The following NSMCE1 variants were observed in gnomAD, a reference collection of about 807,000 sequenced individuals.
The protein encoded by NSMCE1 is NSE1 component of SMC5/6 complex.
A neutral mutation model predicts 29.6 loss-of-function variants in NSMCE1; 18 were observed. The ratio of observed to expected loss-of-function variants is 0.61; its 90% CI spans 0.42 to 0.90. NSMCE1 has a LOEUF of 0.90. Among genes scored for constraint, NSMCE1 ranks in the 40% least tolerant of loss-of-function variants. The pLI is 0.00. For missense variants in NSMCE1, 314 were observed against 343.6 expected, an observed-to-expected ratio of 0.91 and a Z score of 0.68; for synonymous variants, 124 against 133.4, an observed-to-expected ratio of 0.93 and a Z score of 0.49.
intron 2 of NSMCE1, among the ~76,000 whole-genome samples, chr16:27,243,929 G>A (rs1037661328): frequency 2.6e-5 from 4 of 152,356 alleles, no homozygotes; most frequent in Admixed American, 2.6e-4. Context: ...GGGACTACAG[G>A]CATGTACCAC....
At chr16:27,248,188 C>T (rs2083978115) in intron 2 of NSMCE1, among the ~76,000 whole-genome samples, 1 of 152,094 alleles carries the variant, frequency 6.6e-6, no homozygotes, top group Non-Finnish European at 1.5e-5. Context: ...GGGCATATAG[C>T]TTCATATCTC....
intron 1 of NSMCE1, among the ~76,000 whole-genome samples, chr16:27,258,809 G>A (rs1281089093): frequency 6.6e-6 from 1 of 151,562 alleles, no homozygotes; most frequent in Non-Finnish European, 1.5e-5. Context: ...GGAGTGCAGT[G>A]GCGTGATCTC....
At chr16:27,226,143 T>A in intron 6 of NSMCE1, 2 of 274,558 alleles carry the variant, frequency 7.3e-6, no homozygotes, top group Non-Finnish European at 1.4e-5. Context: ...AGCCACAGCT[T>A]TTCAGAAGCT....
chr16:27,252,557 A>G (rs893856108), intron 2 of NSMCE1, among the ~76,000 whole-genome samples: 1 of 151,966 alleles, frequency 6.6e-6, no homozygotes, highest in Non-Finnish European at 1.5e-5. Context: ...CTGACGCAGG[A>G]TGATCACTTG....
Position 27,231,929 on chromosome 16 carries a change from G to A in NSMCE1, c.483+1072C>T, listed in dbSNP as rs576770740. Among the ~76,000 whole-genome samples, 23 of 152,206 alleles carry A rather than the reference G, an allele frequency of 1.5e-4. No homozygotes were observed. In the East Asian group the frequency reaches 2.7e-3, roughly 18 times the overall value. ...CCTCCAAGACATGACATACGGGAAC[G>A]CGCCCAGCAGATCCTGCACTCACCA... On this transcript the variant is annotated intron_variant, in intron 5 of 7. Coordinates refer to ENST00000361439, the MANE Select transcript of NSMCE1 (RefSeq NM_145080.4).
rs1296213496 is a variant in NSMCE1 at position 27,232,802 on chromosome 16, G to A, written c.483+199C>T. Among the ~76,000 whole-genome samples, 1 of 152,248 alleles carries A rather than the reference G, an allele frequency of 6.6e-6. No homozygotes were observed. Among genetic ancestry groups the A allele is most frequent in the African/African-American group, 2.4e-5 (1 of 41,466 alleles). On this transcript the variant is annotated intron_variant, in intron 5 of 7. Coordinates refer to ENST00000361439, the MANE Select transcript of NSMCE1 (RefSeq NM_145080.4). The surrounding 1 kb of genome is among the most constrained non-coding windows in gnomAD (Gnocchi z 4.5). Reference sequence around the variant, plus strand: ...TGTGGCATCCTGAACACATCATCTGGGTGAACGGGGAGTGGGAGGCAGGAG... The same window carrying A: ...TGTGGCATCCTGAACACATCATCTGAGTGAACGGGGAGTGGGAGGCAGGAG...
At chr16:27,229,196 G>A (rs1010124457) in intron 5 of NSMCE1, among the ~76,000 whole-genome samples, 1 of 152,222 alleles carries the variant, frequency 6.6e-6, no homozygotes, top group Non-Finnish European at 1.5e-5. Context: ...CCACTGCCGG[G>A]CTGATGATCC....
At chr16:27,267,454 G>A (rs1443796351) in intron 1 of NSMCE1, among the ~76,000 whole-genome samples, 1 of 152,190 alleles carries the variant, frequency 6.6e-6, no homozygotes, top group East Asian at 1.9e-4. Flanking sequence ...ACAAGAGTTG[G>A]TGGCAGAGAT....
chr16:27,236,389 C>T (rs184894547), intron 2 of NSMCE1, among the ~76,000 whole-genome samples: 4 of 149,088 alleles, frequency 2.7e-5, no homozygotes, highest in Non-Finnish European at 4.4e-5. Flanking sequence ...CTCCACCTCC[C>T]GGGTTCAAGC....
chr16:27,234,039 A>G, intron 4 of NSMCE1, 149 bp downstream of exon 4: 1 of 627,592 alleles, frequency 1.6e-6, no homozygotes, highest in South Asian at 1.9e-5. Context: ...AGACAGTGAC[A>G]TCTCCCTGCA....
At chr16:27,244,637 C>T (rs1425733571) in intron 2 of NSMCE1, among the ~76,000 whole-genome samples, 9 of 146,380 alleles carry the variant, frequency 6.1e-5, no homozygotes, top group Admixed American at 1.3e-4. Context: ...ACCCGAGCAT[C>T]GCCACATATG....
Position 27,232,942 on chromosome 16 carries a change from G to T in NSMCE1, c.483+59C>A. On this transcript the variant is annotated intron_variant, in intron 5 of 7. Transcript: ENST00000361439. The surrounding 1 kb of genome is among the most constrained non-coding windows in gnomAD (Gnocchi z 4.5). ...AGTTGGCTACAAGTACGATTTTGGA[G>T]AAAAAACTGTTATTCACTTGAAAAA... 6.3e-7 allele frequency: 1 copy of T among 1,583,400 alleles called. No homozygotes were observed. The highest frequency in any genetic ancestry group is 2.2e-5 in the East Asian group (1 of 44,738).
chr16:27,226,569 C>T (rs1017776664), intron 6 of NSMCE1, 151 bp downstream of exon 6: 1 of 602,624 alleles, frequency 1.7e-6, no homozygotes, highest in Non-Finnish European at 3.0e-6. Flanking sequence ...CCTGACACGT[C>T]CTGGGAGATG....
Position 27,232,892 on chromosome 16 carries a change from G to T in NSMCE1, c.483+109C>A. On this transcript the variant is annotated intron_variant, in intron 5 of 7. Transcript: ENST00000361439. The surrounding 1 kb of genome is among the most constrained non-coding windows in gnomAD (Gnocchi z 4.5). ...ATGCATGAAAGCAGATAAGGGATCCGAGAAGGCCGGGCTCCTCAGACATCA... is the reference window on the plus strand; with the variant it reads ...ATGCATGAAAGCAGATAAGGGATCCTAGAAGGCCGGGCTCCTCAGACATCA... The T allele has an allele frequency of 8.5e-7, 1 of 1,176,262 alleles. No homozygotes were observed. 72.9% of individuals were successfully genotyped at this position (1,176,262 alleles called of 1,614,324 possible). A position where few individuals can be genotyped will look rare whatever the true frequency, so the allele number is the denominator to read the frequency against.
At chr16:27,237,722 G>A (rs1230630612) in intron 2 of NSMCE1, among the ~76,000 whole-genome samples, 1 of 152,226 alleles carries the variant, frequency 6.6e-6, no homozygotes, top group Non-Finnish European at 1.5e-5. Context: ...CAGATGAGAA[G>A]CATTCTGATC....
intron 5 of NSMCE1, among the ~76,000 whole-genome samples, chr16:27,230,396 A>G (rs774306387): frequency 3.9e-5 from 6 of 152,086 alleles, no homozygotes; most frequent in Non-Finnish European, 8.8e-5. Context: ...GTGCTGCCCT[A>G]GGAAGACCTG....
intron 1 of NSMCE1, among the ~76,000 whole-genome samples, chr16:27,265,913 G>A (rs2084219261): frequency 1.3e-5 from 2 of 152,142 alleles, no homozygotes; most frequent in South Asian, 4.1e-4. Flanking sequence ...CAATATTCAG[G>A]GCGGTGGTTA....
In NSMCE1 at chr16:27,226,736, T is replaced by A. The variant is rs1299537958; in HGVS notation, c.584A>T (p.His195Leu). ...PDAVKICNIC[H>L]SLLIQGQSCE... ...TGCGGGTACCTGGATGAGGAGGCTG[T>A]GACAGATATTGCAGATCTTCACCGC... Residue 195 changes from histidine to leucine, a missense_variant, in exon 6 of 8, where the codon CAC becomes CTC. Physicochemically the swap from His to Leu is moderately conservative, Grantham distance 99 (BLOSUM62 -3). Transcript: ENST00000361439. The A allele has an allele frequency of 6.2e-7, 1 of 1,611,608 alleles. No homozygotes were observed. Among genetic ancestry groups the A allele is most frequent in the Admixed American group, 1.7e-5 (1 of 59,994 alleles).
At chr16:27,226,251 G>A in intron 6 of NSMCE1, 1 of 218,280 alleles carries the variant, frequency 4.6e-6, no homozygotes, top group Non-Finnish European at 9.2e-6. Context: ...AAGGATACAG[G>A]TGTACGAGGC....
Sources: allele counts gnomAD v4.1 joint callset (sites outside exome capture counted in the v4.1 genomes callset), GRCh38; gene constraint gnomAD v4.1.1; non-coding constraint Gnocchi (gnomAD v3.1); transcripts MANE v1.5; gene names NCBI Gene and HGNC (gene_info 2026-07-23, HGNC 2026-07-21).